MCTP1: variants seen among roughly 807,000 people sequenced by gnomAD.
MCTP1 encodes multiple C2 and transmembrane domain-containing protein 1.
A neutral mutation model predicts 120.6 loss-of-function variants in MCTP1; 69 were observed. The ratio of observed to expected loss-of-function variants is 0.57; its 90% CI spans 0.47 to 0.70. The LOEUF (loss-of-function observed/expected upper bound fraction) is 0.70, where lower values mean the gene tolerates loss of function less well. MCTP1 is among the 30% of genes least tolerant of loss of function. The pLI is 0.00. For missense variants in MCTP1, 1,203 were observed against 1,248.8 expected, an observed-to-expected ratio of 0.96 and a Z score of 0.55; for synonymous variants, 529 against 493.1, an observed-to-expected ratio of 1.07 and a Z score of -0.96.
In MCTP1 at chr5:94,901,907, AGAC is replaced by A. The variant is rs1805651812; in HGVS notation, c.1653-7075_1653-7073del. Reference sequence around the variant, plus strand: ...GCAATTATTTTTTAACGTAAAAATAAGACAGAAATGAAGCCTCATCAGTCTCTA... The same window carrying A: ...GCAATTATTTTTTAACGTAAAAATAAAGAAATGAAGCCTCATCAGTCTCTA... On this transcript the variant is annotated intron_variant, in intron 10 of 22. Coordinates refer to ENST00000515393, the MANE Select transcript of MCTP1 (RefSeq NM_024717.7). 3.9e-5 allele frequency among the ~76,000 whole-genome samples: 6 copies of A among 152,310 alleles called. No homozygotes were observed. In the South Asian group the frequency reaches 1.2e-3, roughly 32 times the overall value.
intron 1 of MCTP1, among the ~76,000 whole-genome samples, chr5:95,222,150 T>C (rs1753763187): frequency 6.6e-6 from 1 of 152,190 alleles, no homozygotes; most frequent in Non-Finnish European, 1.5e-5. Context: ...CCAGGTTCCA[T>C]CTACCTGGTT....
Position 95,284,583 on chromosome 5 carries a change from C to A in MCTP1, c.-8G>T. Reference sequence around the variant, plus strand: ...GGCAGCCCGGGGCTCCATCCTCCACCCCCTGCTCCTCCTCTCCCCTCCTCC... The same window carrying A: ...GGCAGCCCGGGGCTCCATCCTCCACACCCTGCTCCTCCTCTCCCCTCCTCC... On this transcript the variant is annotated 5_prime_UTR_variant, in exon 1 of 23. Coordinates refer to ENST00000515393, the MANE Select transcript of MCTP1 (RefSeq NM_024717.7). The surrounding 1 kb of genome is among the most constrained non-coding windows in gnomAD (Gnocchi z 5.2). The A allele has an allele frequency of 2.1e-6, 3 of 1,418,968 alleles. No individual in the cohort carries two copies. The highest frequency in any genetic ancestry group is 2.7e-6 in the Non-Finnish European group (3 of 1,099,620). The allele number at this position is 1,418,968 out of a possible 1,614,324, so 87.9% of individuals were successfully genotyped here. A position where few individuals can be genotyped will look rare whatever the true frequency, so the allele number is the denominator to read the frequency against.
chr5:95,026,022 A>T (rs75250972), intron 1 of MCTP1, among the ~76,000 whole-genome samples: 1 of 152,164 alleles, frequency 6.6e-6, no homozygotes, highest in Non-Finnish European at 1.5e-5. Context: ...AGCTTCCACC[A>T]GAAGATATAA....
chr5:95,235,782 C>G (rs1353956665), intron 1 of MCTP1, among the ~76,000 whole-genome samples: 1 of 152,098 alleles, frequency 6.6e-6, no homozygotes, highest in Non-Finnish European at 1.5e-5. Flanking sequence ...TGTGGAAAAT[C>G]TGATGATTCT....
At chr5:94,747,631 G>T (rs570168964) in intron 19 of MCTP1, among the ~76,000 whole-genome samples, 2 of 152,036 alleles carry the variant, frequency 1.3e-5, no homozygotes, top group Non-Finnish European at 2.9e-5. Context: ...ACTGACTTCT[G>T]TTCTAGCCCA....
At chr5:94,842,276 T>C (rs1039962391) in intron 17 of MCTP1, among the ~76,000 whole-genome samples, 7 of 152,200 alleles carry the variant, frequency 4.6e-5, no homozygotes, top group African/African-American at 9.6e-5. Flanking sequence ...GGGAAACTTA[T>C]TGAGAGACTA....
At chr5:94,827,901 G>C (rs1327759496) in intron 17 of MCTP1, among the ~76,000 whole-genome samples, 1 of 151,686 alleles carries the variant, frequency 6.6e-6, no homozygotes, top group Non-Finnish European at 1.5e-5. Flanking sequence ...TCCTTGCATT[G>C]GGTTAGAACA....
intron 19 of MCTP1, among the ~76,000 whole-genome samples, chr5:94,774,901 A>G (rs1774961704): frequency 6.6e-6 from 1 of 152,186 alleles, no homozygotes; most frequent in Non-Finnish European, 1.5e-5. Context: ...ATTTTGTCAG[A>G]TTAAAATCTT....
In MCTP1 at chr5:95,125,886, CTAAT is replaced by C. The variant is rs148434519; in HGVS notation, c.721-108406_721-108403del. Among the ~76,000 whole-genome samples the C allele has an allele frequency of 7.9e-3, 1,209 of 152,302 alleles. 6 individuals carry two copies. The highest frequency in any genetic ancestry group is 0.024 in the Middle Eastern group (7 of 294). On this transcript the variant is annotated intron_variant, in intron 1 of 22. Coordinates refer to ENST00000515393, the MANE Select transcript of MCTP1 (RefSeq NM_024717.7). ...GACCTAATTTGTACATATCAAATGTCTAATTATCCAACAAGACCTTCTTCAACTT... is the reference window on the plus strand; with the variant it reads ...GACCTAATTTGTACATATCAAATGTCTATCCAACAAGACCTTCTTCAACTT...
At chr5:94,770,798 G>A (rs894801853) in intron 19 of MCTP1, among the ~76,000 whole-genome samples, 2 of 152,210 alleles carry the variant, frequency 1.3e-5, no homozygotes, top group African/African-American at 4.8e-5. Flanking sequence ...AAGCATTAAT[G>A]ATGGAGAGTT....
intron 2 of MCTP1, among the ~76,000 whole-genome samples, chr5:95,012,660 A>G (rs941546377): frequency 5.3e-5 from 8 of 152,102 alleles, no homozygotes; most frequent in African/African-American, 1.7e-4. Context: ...CTTTGACATT[A>G]CTATTGTAAT....
At chr5:94,765,825 A>G (rs1772540753) in intron 19 of MCTP1, among the ~76,000 whole-genome samples, 1 of 151,512 alleles carries the variant, frequency 6.6e-6, no homozygotes, top group African/African-American at 2.4e-5. Context: ...AGACTAGCCA[A>G]GAGGGGGAAA....
At position 94,940,190 on chromosome 5, in the gene MCTP1, G is replaced by A. The variant is rs1817232025; in HGVS notation, c.1067C>T (p.Thr356Ile). 1.9e-6 allele frequency: 3 copies of A among 1,575,558 alleles called. No individual in the cohort carries two copies. Among genetic ancestry groups the A allele is most frequent in the Non-Finnish European group, 2.6e-6 (3 of 1,154,288 alleles). ...DLTQLELNRP[T>I]DVTLTLKDPH... is the part of the protein sequence containing the mutation. ...ATCTTTCAGAGTAAGGGTCACATCT[G>A]TGGGCCTGTGATAGAAAATATTTAG... The change falls in exon 5 of 23, where the codon ACA becomes ATA. Residue 356 changes from threonine to isoleucine, a missense_variant. Physicochemically the swap from Thr to Ile is moderately conservative, Grantham distance 89 (BLOSUM62 -1). Around this residue, in one of 2 missense-constraint regions of MCTP1, gnomAD observed 740 missense variants for 871.1 expected, o/e 0.85. Transcript: ENST00000515393.
At chr5:94,790,046 G>A (rs939117156) in intron 18 of MCTP1, among the ~76,000 whole-genome samples, 2 of 152,132 alleles carry the variant, frequency 1.3e-5, no homozygotes, top group African/African-American at 4.8e-5. Context: ...CCCACAGTGA[G>A]CCAGTTATGA....
intron 2 of MCTP1, among the ~76,000 whole-genome samples, chr5:94,960,427 A>G (rs959828082): frequency 2.6e-5 from 4 of 152,220 alleles, no homozygotes; most frequent in African/African-American, 4.8e-5. Context: ...AATGAGATCT[A>G]ATTAAATTAA....
intron 1 of MCTP1, among the ~76,000 whole-genome samples, chr5:95,125,499 C>T (rs1163700347): frequency 1.3e-5 from 2 of 152,206 alleles, no homozygotes; most frequent in Non-Finnish European, 2.9e-5. Flanking sequence ...GTTGAGACAT[C>T]AGCTCAAATG....
intron 1 of MCTP1, among the ~76,000 whole-genome samples, chr5:95,059,208 CAT>C (rs60609185): frequency 6.0e-5 from 9 of 149,644 alleles, no homozygotes; most frequent in Non-Finnish European, 1.0e-4. Context: ...GAAAATGTGG[CAT>C]ATATATATAT....
chr5:94,842,970 A>G (rs1018678399), intron 17 of MCTP1, among the ~76,000 whole-genome samples: 1 of 152,092 alleles, frequency 6.6e-6, no homozygotes, highest in African/African-American at 2.4e-5. Flanking sequence ...TTTTAATGAT[A>G]CCATTAATAT....
chr5:94,816,648 C>T (rs1430660209), intron 17 of MCTP1, among the ~76,000 whole-genome samples: 1 of 151,750 alleles, frequency 6.6e-6, no homozygotes, highest in Non-Finnish European at 1.5e-5. Flanking sequence ...TATTTTTATT[C>T]CCATATTGCA....
Sources: allele counts gnomAD v4.1 joint callset (sites outside exome capture counted in the v4.1 genomes callset), GRCh38; gene constraint gnomAD v4.1.1; regional missense constraint gnomAD v4.1.1; non-coding constraint Gnocchi (gnomAD v3.1); transcripts MANE v1.5; gene names NCBI Gene and HGNC (gene_info 2026-07-23, HGNC 2026-07-21).